The following SYNE1 variants were observed in gnomAD, a reference collection of about 807,000 sequenced individuals.
The protein encoded by SYNE1 is spectrin repeat containing nuclear envelope protein 1.
SYNE1 carries 616 observed loss-of-function variants against 1,111.0 expected under a neutral mutation model. That is an observed-to-expected ratio of 0.55 (90% CI 0.52 to 0.59). The LOEUF (loss-of-function observed/expected upper bound fraction) is 0.59, where lower values mean the gene tolerates loss of function less well. Ranked by LOEUF, SYNE1 falls within the 20% of genes least tolerant of loss-of-function variation. The probability of loss-of-function intolerance (pLI) is 0.00; values close to 1 mark genes in which losing one functional copy is unlikely to be tolerated. For missense variants in SYNE1, 10,006 were observed against 10,417.0 expected, an observed-to-expected ratio of 0.96 and a Z score of 1.72; for synonymous variants, 3,855 against 3,825.8, an observed-to-expected ratio of 1.01 and a Z score of -0.28.
At chr6:152,448,809 T>C (rs537390548) in intron 28 of SYNE1, among the ~76,000 whole-genome samples, 116 of 152,088 alleles carry the variant, frequency 7.6e-4, no homozygotes, top group African/African-American at 2.7e-3. Flanking sequence ...GCCACTGCAC[T>C]CCAAACCTGG....
intron 44 of SYNE1, among the ~76,000 whole-genome samples, chr6:152,408,751 C>T (rs368950375): frequency 1.3e-5 from 2 of 152,018 alleles, no homozygotes; most frequent in East Asian, 1.9e-4. Flanking sequence ...ATCAGGAGTT[C>T]GAGACCAGCC....
chr6:152,553,544 A>G (rs1210034478), intron 3 of SYNE1, among the ~76,000 whole-genome samples: 2 of 152,068 alleles, frequency 1.3e-5, no homozygotes, highest in African/African-American at 4.8e-5. Flanking sequence ...TACAAACTAT[A>G]AAGAGTTCTC....
intron 70 of SYNE1, 38 bp downstream of exon 70, chr6:152,351,989 G>A: frequency 5.0e-6 from 8 of 1,599,318 alleles, no homozygotes; most frequent in Non-Finnish European, 5.1e-6. Flanking sequence ...GTCTCTGTGT[G>A]ACCTCTGCAT....
intron 29 of SYNE1, 100 bp downstream of exon 29, chr6:152,447,358 T>C: frequency 7.5e-7 from 1 of 1,341,200 alleles, no homozygotes; most frequent in Non-Finnish European, 1.0e-6. Flanking sequence ...CAACTATGGT[T>C]TCTTTATAAA....
intron 127 of SYNE1, among the ~76,000 whole-genome samples, chr6:152,201,263 T>C (rs973124567): frequency 2.6e-5 from 4 of 152,004 alleles, no homozygotes; most frequent in African/African-American, 9.7e-5. Flanking sequence ...CAGGGAGTGA[T>C]CTGTATTAGC....
chr6:152,355,094 T>C, intron 66 of SYNE1, 118 bp from the exon 67 acceptor site: 2 of 1,105,592 alleles, frequency 1.8e-6, no homozygotes, highest in Admixed American at 3.8e-5. Context: ...AAAATGATTT[T>C]ATTATTATGC....
intron 3 of SYNE1, among the ~76,000 whole-genome samples, chr6:152,615,864 T>C (rs1164687245): frequency 1.3e-5 from 2 of 152,208 alleles, no homozygotes; most frequent in Non-Finnish European, 2.9e-5. Context: ...AAGCACTCTT[T>C]AGGAATTTTT....
intron 112 of SYNE1, 123 bp from the exon 113 acceptor site, chr6:152,232,388 A>C (rs1379790229): frequency 9.3e-7 from 1 of 1,070,032 alleles, no homozygotes; most frequent in African/African-American, 1.6e-5. Flanking sequence ...CCTTAATGAC[A>C]TTTGGAGATC....
intron 65 of SYNE1, 93 bp from the exon 66 acceptor site, chr6:152,358,630 A>G: frequency 8.0e-7 from 1 of 1,251,080 alleles, no homozygotes; most frequent in Non-Finnish European, 1.2e-6. Context: ...TTAGAAAAGT[A>G]TAATTATTGA....
At chr6:152,287,383 T>C (rs2094392576) in intron 95 of SYNE1, among the ~76,000 whole-genome samples, 1 of 152,216 alleles carries the variant, frequency 6.6e-6, no homozygotes, top group African/African-American at 2.4e-5. Context: ...ATTTGGCTGT[T>C]TGTGCAAATA....
chr6:152,379,616 T>C (rs981475186), intron 56 of SYNE1, among the ~76,000 whole-genome samples: 1 of 152,126 alleles, frequency 6.6e-6, no homozygotes, highest in South Asian at 2.1e-4. Context: ...AAAATGCCAT[T>C]ATTAGAAATA....
chr6:152,345,783 G>T (rs2096617840), intron 73 of SYNE1, among the ~76,000 whole-genome samples: 1 of 152,110 alleles, frequency 6.6e-6, no homozygotes, highest in Non-Finnish European at 1.5e-5. Context: ...ATAATAGAAA[G>T]CAATTTACCT....
rs1020790382 is a variant in SYNE1, at chr6:152,391,357, C to A, written c.7924G>T (p.Ala2642Ser). 1.2e-6 allele frequency: 2 copies of A among 1,613,926 alleles called. No homozygotes were observed. Among genetic ancestry groups the A allele is most frequent in the African/African-American group, 2.7e-5 (2 of 74,904 alleles). ...ALQSMWFWVK[A>S]IQDRLACAES... The stretch of plus-strand genomic sequence containing the variant: ...GCACAGGCCAGTCTGTCCTGAATGG[C>A]CTTCACCCAGAACCACATGCTTTGC... The change falls in exon 52 of 146, where the codon GCC becomes TCC. Residue 2642 changes from alanine to serine, a missense_variant. Physicochemically the swap from Ala to Ser is moderately conservative, Grantham distance 99. This residue lies in a region of SYNE1 where 4,955 missense variants were observed against 5,017.2 expected (regional missense o/e 0.99). Coordinates refer to ENST00000367255, the MANE Select transcript of SYNE1 (RefSeq NM_182961.4).
Position 152,135,140 on chromosome 6 carries a change from A to C in SYNE1, c.25752T>G (p.Asp8584Glu), listed in dbSNP as rs2056767156. Residue 8584 changes from aspartate (D) to glutamate (E), a missense_variant, in exon 142 of 146, where the codon GAT becomes GAG. Coordinates refer to ENST00000367255, the MANE Select transcript of SYNE1 (RefSeq NM_182961.4). ...NEIVPIDSNLDAEILQDHHKQ... is the reference protein window; with the variant it reads ...NEIVPIDSNLEAEILQDHHKQ... ...TGTGATGGTCCTGAAGTATCTCTGCATCAAGGTTAGAATCAATAGGGACAA... is the reference window on the plus strand; with the variant it reads ...TGTGATGGTCCTGAAGTATCTCTGCCTCAAGGTTAGAATCAATAGGGACAA... 2 of 1,614,178 alleles carry C rather than the reference A, an allele frequency of 1.2e-6. No individual in the cohort carries two copies. Among genetic ancestry groups the C allele is most frequent in the Non-Finnish European group, 1.7e-6 (2 of 1,180,008 alleles).
At chr6:152,536,724 T>C (rs1256243135) in intron 4 of SYNE1, among the ~76,000 whole-genome samples, 3 of 151,928 alleles carry the variant, frequency 2.0e-5, no homozygotes, top group African/African-American at 7.2e-5. Flanking sequence ...GTCAGAAATC[T>C]AGAAGTCATT....
At chr6:152,214,733 C>G (rs778905884) in intron 122 of SYNE1, among the ~76,000 whole-genome samples, 173 bp downstream of exon 122, 14 of 152,218 alleles carry the variant, frequency 9.2e-5, no homozygotes, top group Non-Finnish European at 1.8e-4. Flanking sequence ...GCAGCCCTCA[C>G]CAGACAACTG....
chr6:152,136,885 T>A (rs1224566674), intron 140 of SYNE1, 67 bp from the exon 141 acceptor site: 1 of 1,560,146 alleles, frequency 6.4e-7, no homozygotes, highest in Non-Finnish European at 8.8e-7. Flanking sequence ...CTTGAAAATG[T>A]TTCACATGAA....
At chr6:152,311,213 C>T in intron 87 of SYNE1, 1 of 301,034 alleles carries the variant, frequency 3.3e-6, no homozygotes, top group Non-Finnish European at 6.3e-6. Flanking sequence ...TACTAGGTGT[C>T]TTATTTGTAT....
At chr6:152,180,934 CT>C (rs11454864) in intron 128 of SYNE1, among the ~76,000 whole-genome samples, 7 of 150,822 alleles carry the variant, frequency 4.6e-5, no homozygotes, top group South Asian at 2.1e-4. Flanking sequence ...TCTTTTCCTT[CT>C]TTTTTTTTCG....
Sources: allele counts gnomAD v4.1 joint callset (sites outside exome capture counted in the v4.1 genomes callset), GRCh38; gene constraint gnomAD v4.1.1; regional missense constraint gnomAD v4.1.1; transcripts MANE v1.5; gene names NCBI Gene and HGNC (gene_info 2026-07-23, HGNC 2026-07-21).